The following NTM variants were observed in gnomAD, a reference collection of about 807,000 sequenced individuals.
NTM encodes the protein IgLON family member 2.
Under a neutral mutation model 42.1 loss-of-function variants are expected in NTM, and 13 were observed. The ratio of observed to expected loss-of-function variants is 0.31; its 90% confidence interval spans 0.20 to 0.49. The LOEUF (loss-of-function observed/expected upper bound fraction) is 0.49. Ranked by LOEUF, NTM falls within the 20% of genes least tolerant of loss-of-function variation. NTM has a pLI of 0.99. For synonymous variants in NTM, 187 were observed against 179.2 expected (o/e 1.04, Z -0.35); for missense variants, 373 against 452.8 (o/e 0.82, Z 1.60).
At chr11:131,893,508 A>G (rs549358301) in intron 1 of NTM, among the ~76,000 whole-genome samples, 17 of 152,326 alleles carry the variant, frequency 1.1e-4, no homozygotes, top group Admixed American at 1.1e-3. Flanking sequence ...GCCAATGTCT[A>G]TGAGAGTGAG....
chr11:132,119,859 C>T (rs920933583), intron 2 of NTM, among the ~76,000 whole-genome samples: 19 of 152,236 alleles, frequency 1.2e-4, no homozygotes, highest in Admixed American at 6.5e-5. Flanking sequence ...TGGTCTAGAC[C>T]GAGTCCCCAT....
intron 1 of NTM, among the ~76,000 whole-genome samples, chr11:131,464,907 C>T (rs73588722): frequency 1.3e-5 from 2 of 152,120 alleles, no homozygotes; most frequent in Non-Finnish European, 2.9e-5. Flanking sequence ...TGGACAAGAC[C>T]CCCTGTTTTC....
chr11:131,901,613 C>T lies in NTM; in HGVS notation c.83-9951C>T, dbSNP rs538857761. 8.6e-5 allele frequency among the ~76,000 whole-genome samples: 13 copies of T among 152,000 alleles called. 1 individual carries two copies. In the South Asian group the frequency reaches 1.5e-3, roughly 17 times the overall value. ...GGCCATATAGAAACATGTCAATCTA[C>T]CCTTGATTTATATCTTAGCTTTAAG... On this transcript the variant is annotated intron_variant, in intron 1 of 8. Coordinates refer to ENST00000683400, the MANE Select transcript of NTM (RefSeq NM_001352005.2).
intron 1 of NTM, among the ~76,000 whole-genome samples, chr11:131,731,797 G>A (rs185031396): frequency 8.6e-4 from 131 of 152,286 alleles, no homozygotes; most frequent in African/African-American, 2.9e-3. Flanking sequence ...CCTCCTCAGC[G>A]CAGTCTCAGA....
At chr11:131,604,142 C>T (rs1303878016) in intron 1 of NTM, among the ~76,000 whole-genome samples, 1 of 152,174 alleles carries the variant, frequency 6.6e-6, no homozygotes, top group Non-Finnish European at 1.5e-5. Context: ...ACAGCCACAT[C>T]AGCAGTGTGT....
intron 1 of NTM, among the ~76,000 whole-genome samples, chr11:131,423,103 T>A (rs1042644163): frequency 2.0e-5 from 3 of 152,308 alleles, no homozygotes; most frequent in East Asian, 1.9e-4. Context: ...TCAGGCCCCA[T>A]CTCAAAGTTG....
intron 1 of NTM, among the ~76,000 whole-genome samples, chr11:131,875,814 G>A (rs1474374027): frequency 6.6e-6 from 1 of 152,156 alleles, no homozygotes; most frequent in Non-Finnish European, 1.5e-5. Flanking sequence ...TCCCACTCAT[G>A]TCTTTGTCCT....
In NTM at chr11:131,789,519, AAGAAGAAGAAGAAGAAGAAGAAG is replaced by A. The variant is rs2090182066; in HGVS notation, c.83-122043_83-122021del. ...AAAGAAGAAGAAGAAGAAGAAGAAG[AAGAAGAAGAAGAAGAAGAAGAAG>A]AAGAAAAGAAGAAGAAGAAGAAGAA... On this transcript the variant is annotated intron_variant, in intron 1 of 8. Transcript: ENST00000683400. Among the ~76,000 whole-genome samples the A allele has an allele frequency of 9.3e-5, 2 of 21,500 alleles. 1 individual carries two copies. Among genetic ancestry groups the A allele is most frequent in the African/African-American group, 5.1e-4 (2 of 3,916 alleles). The allele number at this position is 21,500 out of a possible 152,430, so 14.1% of individuals were successfully genotyped here. A position where few individuals can be genotyped will look rare whatever the true frequency, so the allele number is the denominator to read the frequency against.
intron 2 of NTM, among the ~76,000 whole-genome samples, chr11:132,009,099 T>G (rs1281309861): frequency 6.6e-6 from 1 of 152,194 alleles, no homozygotes; most frequent in Non-Finnish European, 1.5e-5. Flanking sequence ...CCCTCTGCCA[T>G]CAGCCTGGAA....
At chr11:131,911,179 C>T in intron 1 of NTM, 1 of 1,344,934 alleles carries the variant, frequency 7.4e-7, no homozygotes, top group East Asian at 3.1e-5. Flanking sequence ...CCACACCTTT[C>T]ACCTGCCGCG....
chr11:131,430,321 C>T (rs1948550683), intron 1 of NTM, among the ~76,000 whole-genome samples: 6 of 151,976 alleles, frequency 3.9e-5, no homozygotes, highest in Admixed American at 3.9e-4. Flanking sequence ...ACAAAGAGTT[C>T]CAGGGATGGG....
chr11:131,937,566 G>T (rs2134168519), intron 2 of NTM, among the ~76,000 whole-genome samples: 1 of 152,232 alleles, frequency 6.6e-6, no homozygotes, highest in African/African-American at 2.4e-5. Flanking sequence ...AAATAGCAAA[G>T]TCTTTCATAT....
chr11:132,049,303 C>T (rs2078502304), intron 2 of NTM, among the ~76,000 whole-genome samples: 2 of 152,314 alleles, frequency 1.3e-5, no homozygotes, highest in Middle Eastern at 3.4e-3. Context: ...GACTGTGAGA[C>T]TCACATCTAC....
chr11:131,923,366 A>G (rs2057493299), intron 2 of NTM, among the ~76,000 whole-genome samples: 2 of 152,226 alleles, frequency 1.3e-5, no homozygotes, highest in Admixed American at 1.3e-4. Flanking sequence ...AATAATAGTA[A>G]GCTATTAATA....
At chr11:131,974,736 CAT>C (rs770417746) in intron 2 of NTM, among the ~76,000 whole-genome samples, 5 of 151,948 alleles carry the variant, frequency 3.3e-5, no homozygotes, top group Non-Finnish European at 7.4e-5. Context: ...TTTTTTTTCT[CAT>C]AGAGTTATTG....
At chr11:132,229,239 A>C (rs983803976) in intron 4 of NTM, among the ~76,000 whole-genome samples, 2 of 152,216 alleles carry the variant, frequency 1.3e-5, no homozygotes, top group East Asian at 3.9e-4. Context: ...CTTATGATGT[A>C]GGTGTTCTTG....
chr11:131,696,262 G>A (rs1344640638), intron 1 of NTM, among the ~76,000 whole-genome samples: 2 of 152,164 alleles, frequency 1.3e-5, no homozygotes, highest in East Asian at 3.9e-4. Context: ...ACGCACCCGG[G>A]GAGGCCAGCA....
chr11:132,115,975 T>C (rs978079186), intron 2 of NTM, among the ~76,000 whole-genome samples: 2 of 152,200 alleles, frequency 1.3e-5, no homozygotes, highest in Non-Finnish European at 2.9e-5. Context: ...GCCCCATTCA[T>C]CCATTGGTTG....
At chr11:131,479,996 C>T (rs1276239276) in intron 1 of NTM, among the ~76,000 whole-genome samples, 1 of 152,010 alleles carries the variant, frequency 6.6e-6, no homozygotes, top group Admixed American at 6.6e-5. Flanking sequence ...TGGCCTGTGG[C>T]TCTGCTATGG....
Sources: allele counts gnomAD v4.1 joint callset (sites outside exome capture counted in the v4.1 genomes callset), GRCh38; gene constraint gnomAD v4.1.1; transcripts MANE v1.5; gene names NCBI Gene and HGNC (gene_info 2026-07-23, HGNC 2026-07-21).